TCEA1: variants seen among roughly 807,000 people sequenced by gnomAD.
The protein encoded by TCEA1 is transcription elongation factor A1, also known as transcription elongation factor A protein 1.
Under a neutral mutation model 43.8 loss-of-function variants are expected in TCEA1, and 21 were observed. The ratio of observed to expected loss-of-function variants is 0.48; its 90% confidence interval spans 0.34 to 0.69. The LOEUF is 0.69. Among genes scored for constraint, TCEA1 ranks in the 30% least tolerant of loss-of-function variants. The pLI, the probability that TCEA1 is intolerant of heterozygous loss-of-function variation, is 0.01. For synonymous variants in TCEA1, 104 were observed against 117.5 expected, an observed-to-expected ratio of 0.88 and a Z score of 0.75; for missense variants, 250 against 365.1, an observed-to-expected ratio of 0.68 and a Z score of 2.57.
At chr8:53,973,144 TAGA>T (rs760322699) in intron 8 of TCEA1, 10 of 567,452 alleles carry the variant, frequency 1.8e-5, no homozygotes, top group South Asian at 9.6e-5. Flanking sequence ...GAAGTCAATG[TAGA>T]AGAAGATGGG....
chr8:53,979,492 G>A (rs1803438908), intron 7 of TCEA1, among the ~76,000 whole-genome samples: 1 of 152,182 alleles, frequency 6.6e-6, no homozygotes, highest in African/African-American at 2.4e-5. Context: ...TCACAGGCTG[G>A]CTGTCTTCCC....
intron 1 of TCEA1, among the ~76,000 whole-genome samples, chr8:54,018,294 C>T (rs866462624): frequency 1.3e-5 from 2 of 152,162 alleles, no homozygotes; most frequent in African/African-American, 2.4e-5. Context: ...CTCAGCACTA[C>T]CCACAAAATC....
rs529132928 is a variant in TCEA1, at chr8:53,978,025, T to C, written c.825+1000A>G. 2.0e-5 allele frequency among the ~76,000 whole-genome samples: 3 copies of C among 152,324 alleles called. No homozygotes were observed. In the South Asian group the frequency reaches 6.2e-4, roughly 32 times the overall value. On this transcript the variant is annotated intron_variant, in intron 8 of 9. Transcript: ENST00000521604. ...TATTAATTCTTATATTTTATAAATT[T>C]TGACATAGCTTTCATAGTAACTATT...
At chr8:53,972,613 ATTC>A (rs1016103511) in intron 8 of TCEA1, 5 of 585,502 alleles carry the variant, frequency 8.5e-6, no homozygotes, top group African/African-American at 1.8e-5. Flanking sequence ...GTAAAAATAT[ATTC>A]TTCAGAGTTT....
intron 2 of TCEA1, chr8:54,010,068 C>A: frequency 4.9e-6 from 1 of 204,434 alleles, no homozygotes; most frequent in Non-Finnish European, 9.7e-6. Flanking sequence ...AGGAGCGACA[C>A]CTTGCCATCC....
intron 9 of TCEA1, among the ~76,000 whole-genome samples, chr8:53,968,663 G>T (rs1803062622): frequency 1.3e-5 from 2 of 151,982 alleles, no homozygotes; most frequent in Admixed American, 6.6e-5. Flanking sequence ...CCAACGTGGT[G>T]AAACCCCGTC....
intron 6 of TCEA1, among the ~76,000 whole-genome samples, chr8:53,985,313 G>C (rs754337905): frequency 1.3e-5 from 2 of 152,172 alleles, no homozygotes; most frequent in African/African-American, 4.8e-5. Context: ...CACCGCGCCC[G>C]GCCTAGTCAT....
chr8:53,969,375 G>T (rs549529626), intron 9 of TCEA1, among the ~76,000 whole-genome samples: 1 of 152,066 alleles, frequency 6.6e-6, no homozygotes, highest in African/African-American at 2.4e-5. Context: ...GGATATCTTC[G>T]ACATGGTTTG....
Position 53,981,147 on chromosome 8 carries a change from A to G in TCEA1, c.679-1976T>C, listed in dbSNP as rs1563472283. ...CTGGTTCATGAGGTTTAAGGAAAGA[A>G]GCTGTCTCCATAACATAGTACAAAA... On this transcript the variant is annotated intron_variant, in intron 7 of 9. Transcript: ENST00000521604. Among the ~76,000 whole-genome samples, 3 of 152,214 alleles carry G rather than the reference A, an allele frequency of 2.0e-5. No homozygotes were observed. The South Asian group carries it at 6.2e-4, about 32-fold the overall frequency.
intron 2 of TCEA1, among the ~76,000 whole-genome samples, chr8:54,006,048 C>A (rs1804425949): frequency 6.6e-6 from 1 of 152,178 alleles, no homozygotes; most frequent in African/African-American, 2.4e-5. Flanking sequence ...TGAGGGAGAA[C>A]CTAGTCATCT....
At chr8:54,000,259 C>T (rs190230450) in intron 2 of TCEA1, among the ~76,000 whole-genome samples, 13 of 152,206 alleles carry the variant, frequency 8.5e-5, no homozygotes, top group Admixed American at 8.5e-4. Context: ...TCATCAAGAT[C>T]TAGAAGCATA....
chr8:53,972,348 G>T, intron 8 of TCEA1: 1 of 496,490 alleles, frequency 2.0e-6, no homozygotes, highest in South Asian at 1.6e-5. Context: ...TGATGCAAGT[G>T]ACAGCAGCCC....
chr8:53,988,330 G>A, intron 4 of TCEA1, 71 bp from the exon 5 acceptor site: 1 of 1,523,194 alleles, frequency 6.6e-7, no homozygotes, highest in Non-Finnish European at 8.8e-7. Flanking sequence ...CTACTATCAT[G>A]CTGTAAAAAC....
intron 5 of TCEA1, among the ~76,000 whole-genome samples, chr8:53,987,228 C>A (rs10093311): frequency 1.3e-5 from 2 of 152,100 alleles, no homozygotes; most frequent in African/African-American, 4.8e-5. Flanking sequence ...CACAGTGCTC[C>A]TGCACTGATG....
chr8:53,993,161 A>G (rs1181440451), intron 4 of TCEA1, among the ~76,000 whole-genome samples: 1 of 145,654 alleles, frequency 6.9e-6, no homozygotes, highest in Non-Finnish European at 1.5e-5. Context: ...TTGGTAGAGA[A>G]AGGGTTTCAC....
At chr8:53,998,213 T>C (rs1804128733) in intron 3 of TCEA1, among the ~76,000 whole-genome samples, 1 of 152,202 alleles carries the variant, frequency 6.6e-6, no homozygotes, top group Non-Finnish European at 1.5e-5. Flanking sequence ...CAGTAAAAAC[T>C]GATGAAATCT....
intron 2 of TCEA1, among the ~76,000 whole-genome samples, chr8:54,007,702 T>C (rs1392987256): frequency 1.3e-5 from 2 of 152,178 alleles, no homozygotes; most frequent in African/African-American, 4.8e-5. Context: ...TGACTTTTTT[T>C]CTCAATCATG....
At chr8:54,018,298 C>CA (rs1403758484) in intron 1 of TCEA1, among the ~76,000 whole-genome samples, 2 of 152,186 alleles carry the variant, frequency 1.3e-5, no homozygotes, top group Admixed American at 1.3e-4. Flanking sequence ...GCACTACCCA[C>CA]AAAATCTCTC....
At chr8:53,969,523 T>G (rs1006265599) in intron 9 of TCEA1, among the ~76,000 whole-genome samples, 1 of 151,966 alleles carries the variant, frequency 6.6e-6, no homozygotes, top group African/African-American at 2.4e-5. Context: ...TTGTACAAAC[T>G]TCAGAAAAAC....
Sources: allele counts gnomAD v4.1 joint callset (sites outside exome capture counted in the v4.1 genomes callset), GRCh38; gene constraint gnomAD v4.1.1; transcripts MANE v1.5; gene names NCBI Gene and HGNC (gene_info 2026-07-23, HGNC 2026-07-21).